The following BACH2 variants were observed in gnomAD, a reference collection of about 807,000 sequenced individuals.
The protein encoded by BACH2 is BACH transcriptional regulator 2.
Under a neutral mutation model 61.8 loss-of-function variants are expected in BACH2, and 5 were observed. The observed-to-expected ratio is 0.08, with a 90% CI of 0.04 to 0.17. The LOEUF (loss-of-function observed/expected upper bound fraction) is 0.17, where lower values mean the gene tolerates loss of function less well. BACH2 is among the 10% of genes least tolerant of loss of function. BACH2 has a pLI of 1.00. For synonymous variants in BACH2, 446 were observed against 440.1 expected, an observed-to-expected ratio of 1.01 and a Z score of -0.17; for missense variants, 824 against 1,091.1, an observed-to-expected ratio of 0.76 and a Z score of 3.45.
intron 4 of BACH2, among the ~76,000 whole-genome samples, chr6:90,128,815 A>G (rs1438410962): frequency 6.6e-6 from 1 of 152,178 alleles, no homozygotes; most frequent in African/African-American, 2.4e-5. Flanking sequence ...ACCAACCCAA[A>G]TGTCCAACAA....
chr6:90,283,588 G>A (rs967141407), intron 1 of BACH2, among the ~76,000 whole-genome samples: 2 of 150,374 alleles, frequency 1.3e-5, no homozygotes, highest in African/African-American at 4.8e-5. Context: ...TTTTAGCCAG[G>A]ATGGTCCCGA....
At chr6:90,147,166 A>G (rs1245715417) in intron 4 of BACH2, among the ~76,000 whole-genome samples, 1 of 152,242 alleles carries the variant, frequency 6.6e-6, no homozygotes. Context: ...AGGGGCAGTA[A>G]TAAAAATAAA....
intron 4 of BACH2, among the ~76,000 whole-genome samples, chr6:90,098,911 T>C (rs549203509): frequency 6.6e-6 from 1 of 152,346 alleles, no homozygotes; most frequent in East Asian, 1.9e-4. Context: ...CGTTCATTTC[T>C]CTTACTGGTC....
intron 1 of BACH2, among the ~76,000 whole-genome samples, chr6:90,280,391 G>A (rs951970099): frequency 3.9e-5 from 6 of 152,144 alleles, no homozygotes; most frequent in African/African-American, 1.2e-4. Context: ...GACATCGGGG[G>A]AAACTGGACA....
intron 2 of BACH2, among the ~76,000 whole-genome samples, chr6:90,254,577 A>C (rs1249182784): frequency 1.3e-5 from 2 of 152,004 alleles, no homozygotes; most frequent in African/African-American, 4.8e-5. Context: ...AGAAAATAAA[A>C]AGGACCTAGA....
chr6:90,142,115 T>C (rs1191797342), intron 4 of BACH2, among the ~76,000 whole-genome samples: 1 of 152,182 alleles, frequency 6.6e-6, no homozygotes, highest in Non-Finnish European at 1.5e-5. Flanking sequence ...ATGTTTCACA[T>C]TCATCTTCAA....
At chr6:90,295,437 G>C (rs116228624) in intron 1 of BACH2, among the ~76,000 whole-genome samples, 1,944 of 152,178 alleles carry the variant, frequency 0.013, 47 homozygotes, top group African/African-American at 0.044. Flanking sequence ...AGGTCGCCGA[G>C]ATGCTCGCTC....
At chr6:90,236,440 A>G in intron 3 of BACH2, among the ~76,000 whole-genome samples, 1 of 152,228 alleles carries the variant, frequency 6.6e-6, no homozygotes, top group East Asian at 1.9e-4. Flanking sequence ...CAGGGCACAG[A>G]AAGAGTAGAC....
chr6:90,071,248 AC>A (rs775882633), intron 5 of BACH2, among the ~76,000 whole-genome samples: 1 of 152,022 alleles, frequency 6.6e-6, no homozygotes, highest in Non-Finnish European at 1.5e-5. Flanking sequence ...TGGGCATGAG[AC>A]CTCTTTTGTC....
intron 7 of BACH2, among the ~76,000 whole-genome samples, chr6:89,939,910 C>G (rs1773315020): frequency 1.3e-5 from 2 of 149,736 alleles, no homozygotes; most frequent in South Asian, 4.2e-4. Context: ...CAATGTTGCC[C>G]AGGCTGGTTT....
chr6:90,011,974 G>A (rs186747284), intron 5 of BACH2, among the ~76,000 whole-genome samples: 206 of 147,876 alleles, frequency 1.4e-3, no homozygotes, highest in African/African-American at 4.8e-3. Context: ...GTGTGTGTGT[G>A]TATGAGTGAT....
At chr6:90,074,159 G>GT (rs1293587719) in intron 5 of BACH2, among the ~76,000 whole-genome samples, 1 of 152,170 alleles carries the variant, frequency 6.6e-6, no homozygotes, top group Non-Finnish European at 1.5e-5. Context: ...TAAGTTAATG[G>GT]TTTTTTGAAG....
At chr6:89,946,031 T>C (rs1036040342) in intron 7 of BACH2, among the ~76,000 whole-genome samples, 4 of 152,136 alleles carry the variant, frequency 2.6e-5, no homozygotes, top group African/African-American at 9.7e-5. Context: ...CTTGACTACA[T>C]AAAACTAATA....
intron 2 of BACH2, among the ~76,000 whole-genome samples, chr6:90,253,969 T>C (rs1388768095): frequency 6.6e-6 from 1 of 152,190 alleles, no homozygotes; most frequent in Non-Finnish European, 1.5e-5. Flanking sequence ...TTGTACACAA[T>C]TGTGCAGTGT....
At chr6:90,053,717 A>G (rs1257326362) in intron 5 of BACH2, among the ~76,000 whole-genome samples, 2 of 152,154 alleles carry the variant, frequency 1.3e-5, no homozygotes, top group African/African-American at 4.8e-5. Context: ...GTCGAAAATC[A>G]TTTTCTCTCA....
intron 3 of BACH2, among the ~76,000 whole-genome samples, chr6:90,213,883 T>C (rs970151745): frequency 6.6e-6 from 1 of 152,196 alleles, no homozygotes; most frequent in African/African-American, 2.4e-5. Flanking sequence ...GATGCTTTAA[T>C]GTCAATATTC....
intron 5 of BACH2, among the ~76,000 whole-genome samples, chr6:90,068,214 G>A (rs1781054963): frequency 6.6e-6 from 1 of 152,048 alleles, no homozygotes; most frequent in Non-Finnish European, 1.5e-5. Flanking sequence ...AAAAAATTGT[G>A]GTATTGATTT....
intron 1 of BACH2, among the ~76,000 whole-genome samples, chr6:90,277,872 T>C (rs1771743141): frequency 6.6e-6 from 1 of 152,206 alleles, no homozygotes; most frequent in African/African-American, 2.4e-5. Flanking sequence ...GCAAGAAGAA[T>C]ATACAAATGC....
intron 4 of BACH2, among the ~76,000 whole-genome samples, chr6:90,181,975 C>T (rs1768181650): frequency 2.0e-5 from 3 of 152,246 alleles, no homozygotes; most frequent in Non-Finnish European, 2.9e-5. Context: ...GACTCACTAG[C>T]CCTGCAATTG....
Sources: allele counts gnomAD v4.1 joint callset (sites outside exome capture counted in the v4.1 genomes callset), GRCh38; gene constraint gnomAD v4.1.1; transcripts MANE v1.5; gene names NCBI Gene and HGNC (gene_info 2026-07-23, HGNC 2026-07-21).